COTL1: variants seen among roughly 807,000 people sequenced by gnomAD.
The protein encoded by COTL1 is coactosin-like protein.
COTL1 carries 15 observed loss-of-function variants against 16.5 expected under a neutral mutation model. The ratio of observed to expected loss-of-function variants is 0.91; its 90% CI spans 0.61 to 1.40. The LOEUF (loss-of-function observed/expected upper bound fraction) is 1.40. Ranked by LOEUF, COTL1 falls within the 40% of genes most tolerant of loss-of-function variation. COTL1 has a pLI of 0.00. For missense variants in COTL1, 220 were observed against 201.5 expected (o/e 1.09, Z -0.56); for synonymous variants, 112 against 85.3 (o/e 1.31, Z -1.73).
chr16:84,595,488 T>G (rs940674743), intron 2 of COTL1: 7 of 152,226 alleles, frequency 4.6e-5, no homozygotes, highest in African/African-American at 1.7e-4. Flanking sequence ...CCTTTTGACC[T>G]CACACTGGGC....
In COTL1 at chr16:84,590,735, T is replaced by TA. The variant is rs1904842010; in HGVS notation, c.161-474dup. Among the ~76,000 whole-genome samples, 1 of 152,230 alleles carries TA rather than the reference T, an allele frequency of 6.6e-6. No homozygotes were observed. The highest frequency in any genetic ancestry group is 1.5e-5 in the Non-Finnish European group (1 of 68,034). ...AAAGGCTCAAATTATGGATCTTATTTAGGGACCAGAAATTCATCCTCTTTG... is the reference window on the plus strand; with the variant it reads ...AAAGGCTCAAATTATGGATCTTATTTAAGGGACCAGAAATTCATCCTCTTTG... On this transcript the variant is annotated intron_variant, in intron 2 of 3. Transcript: ENST00000262428. This position sits in a 1 kb window ranked among gnomAD's most constrained non-coding sequence, Gnocchi z 5.5.
intron 3 of COTL1, among the ~76,000 whole-genome samples, chr16:84,574,288 C>G (rs1392105009): frequency 6.6e-6 from 1 of 152,236 alleles, no homozygotes; most frequent in African/African-American, 2.4e-5. Context: ...TCCCCACATC[C>G]CGCCTCCAGG....
chr16:84,586,569 A>G (rs1362914812), intron 3 of COTL1, among the ~76,000 whole-genome samples: 2 of 152,214 alleles, frequency 1.3e-5, no homozygotes, highest in African/African-American at 2.4e-5. Flanking sequence ...AAATGGCTAC[A>G]ATGGTAAACT....
chr16:84,607,320 G>T (rs941224356), intron 2 of COTL1, among the ~76,000 whole-genome samples: 1 of 152,148 alleles, frequency 6.6e-6, no homozygotes, highest in Non-Finnish European at 1.5e-5. Context: ...CACAGGCCTA[G>T]GGAAGCGGGA....
At position 84,617,308 on chromosome 16, in the gene COTL1, G is replaced by A. The variant is rs796914878; in HGVS notation, c.160+193C>T. 1.2e-4 allele frequency among the ~76,000 whole-genome samples: 18 copies of A among 152,328 alleles called. 1 individual carries two copies. Among genetic ancestry groups the A allele is most frequent in the African/African-American group, 4.1e-4 (17 of 41,586 alleles). ...TGGCGGAGGCAGGTGGGTCACTTCT[G>A]TTGCTTCGGATGTCCAGAGGGGAGA... On this transcript the variant is annotated intron_variant, in intron 2 of 3. Transcript: ENST00000262428.
At chr16:84,598,278 A>G (rs992766286) in intron 2 of COTL1, among the ~76,000 whole-genome samples, 7 of 152,198 alleles carry the variant, frequency 4.6e-5, no homozygotes, top group East Asian at 1.9e-4. Context: ...CCACTGGTCT[A>G]TGAAGCCTCA....
intron 3 of COTL1, among the ~76,000 whole-genome samples, chr16:84,582,511 A>G (rs1234091559): frequency 1.3e-5 from 2 of 152,238 alleles, no homozygotes; most frequent in East Asian, 1.9e-4. Flanking sequence ...TAGGAGTACA[A>G]TCACAAAGCA....
At chr16:84,613,960 A>G (rs1905400379) in intron 2 of COTL1, among the ~76,000 whole-genome samples, 1 of 152,084 alleles carries the variant, frequency 6.6e-6, no homozygotes, top group Admixed American at 6.5e-5. Flanking sequence ...ACTGGCAAAG[A>G]GGCTTGCTCC....
chr16:84,590,086 C>T lies in COTL1; in HGVS notation c.318+19G>A. On this transcript the variant is annotated intron_variant, in intron 3 of 3. Transcript: ENST00000262428. This position sits in a 1 kb window ranked among gnomAD's most constrained non-coding sequence, Gnocchi z 5.5. ...CCCTTGGCGAGCTTTGACCTCCAGA[C>T]TCTGGAGGAACTCAGTACCTGTACG... is the stretch of plus-strand genomic sequence containing the variant. 6.2e-7 allele frequency: 1 copy of T among 1,600,492 alleles called. No individual in the cohort carries two copies. Among genetic ancestry groups the T allele is most frequent in the Non-Finnish European group, 8.6e-7 (1 of 1,169,440 alleles).
chr16:84,597,727 C>T (rs1011017847), intron 2 of COTL1, among the ~76,000 whole-genome samples: 1 of 152,172 alleles, frequency 6.6e-6, no homozygotes, highest in African/African-American at 2.4e-5. Flanking sequence ...GTTCAGCCCC[C>T]ACGCCCTCCT....
intron 2 of COTL1, chr16:84,616,531 A>ATAAG (rs1414359922): frequency 2.6e-5 from 4 of 151,802 alleles, no homozygotes; most frequent in African/African-American, 9.7e-5. Context: ...AAATAAATAA[A>ATAAG]TAAGTAACCC....
At chr16:84,610,491 A>G (rs115979898) in intron 2 of COTL1, among the ~76,000 whole-genome samples, 1 of 152,126 alleles carries the variant, frequency 6.6e-6, no homozygotes, top group African/African-American at 2.4e-5. Flanking sequence ...TATTTGTTTT[A>G]ATCCCAGAGA....
chr16:84,604,962 A>C (rs766799110), intron 2 of COTL1, among the ~76,000 whole-genome samples: 14 of 152,366 alleles, frequency 9.2e-5, no homozygotes, highest in Non-Finnish European at 2.1e-4. Context: ...CCTGCAGGCA[A>C]AAGTAGGGAA....
chr16:84,573,957 G>C (rs923152137), intron 3 of COTL1, among the ~76,000 whole-genome samples: 5 of 152,132 alleles, frequency 3.3e-5, no homozygotes, highest in African/African-American at 4.8e-5. Flanking sequence ...GGAGTTCCAA[G>C]ACTAGCCTGG....
chr16:84,598,172 C>T (rs373347569), intron 2 of COTL1, among the ~76,000 whole-genome samples: 1 of 152,186 alleles, frequency 6.6e-6, no homozygotes, highest in Non-Finnish European at 1.5e-5. Context: ...GATGCCCTCC[C>T]CTTCCCACCC....
chr16:84,577,923 T>C (rs1384021331), intron 3 of COTL1, among the ~76,000 whole-genome samples: 1 of 151,762 alleles, frequency 6.6e-6, no homozygotes, highest in African/African-American at 2.4e-5. Context: ...CTGCCTGGAG[T>C]CTCAGGCTCG....
At chr16:84,604,307 C>T (rs1319865025) in intron 2 of COTL1, among the ~76,000 whole-genome samples, 1 of 120,270 alleles carries the variant, frequency 8.3e-6, no homozygotes, top group Non-Finnish European at 1.8e-5. Flanking sequence ...CCCTCACTCC[C>T]CACCCACGCT....
Position 84,566,786 on chromosome 16 carries a change from C to T in COTL1, c.*59G>A, listed in dbSNP as rs1279328265. On this transcript the variant is annotated 3_prime_UTR_variant, in exon 4 of 4. Coordinates refer to ENST00000262428, the MANE Select transcript of COTL1 (RefSeq NM_021149.5). ...GGGCTAGTAGCTGAGGCCGGCGGTC[C>T]TCTCCCCCGGGGAGCAGGCAGATGA... 9.7e-6 allele frequency: 12 copies of T among 1,234,826 alleles called. No individual in the cohort carries two copies. Among genetic ancestry groups the T allele is most frequent in the African/African-American group, 1.5e-5 (1 of 67,350 alleles). The allele number at this position is 1,234,826 out of a possible 1,614,324, so 76.5% of individuals were successfully genotyped here.
At chr16:84,609,863 C>A (rs944684722) in intron 2 of COTL1, among the ~76,000 whole-genome samples, 2 of 152,308 alleles carry the variant, frequency 1.3e-5, no homozygotes, top group East Asian at 3.9e-4. Flanking sequence ...TTTCCTGAGG[C>A]CTCCCCAGCC....
Sources: allele counts gnomAD v4.1 joint callset (sites outside exome capture counted in the v4.1 genomes callset), GRCh38; gene constraint gnomAD v4.1.1; non-coding constraint Gnocchi (gnomAD v3.1); transcripts MANE v1.5; gene names NCBI Gene and HGNC (gene_info 2026-07-23, HGNC 2026-07-21).